The following TOGARAM1 variants were observed in gnomAD, a reference collection of about 807,000 sequenced individuals.
TOGARAM1 encodes the protein TOG array regulator of axonemal microtubules protein 1.
TOGARAM1 carries 100 observed loss-of-function variants against 166.6 expected under a neutral mutation model. The observed-to-expected ratio is 0.60, with a 90% confidence interval of 0.51 to 0.71. TOGARAM1 has a LOEUF of 0.71. Among genes scored for constraint, TOGARAM1 ranks in the 30% least tolerant of loss-of-function variants. The pLI is 0.00. For missense variants in TOGARAM1, 2,029 were observed against 2,102.7 expected (o/e 0.96, Z 0.69); for synonymous variants, 758 against 763.8 (o/e 0.99, Z 0.13).
intron 17 of TOGARAM1, among the ~76,000 whole-genome samples, chr14:45,068,163 C>A (rs1457934260): frequency 1.3e-5 from 2 of 152,090 alleles, no homozygotes; most frequent in African/African-American, 4.8e-5. Flanking sequence ...GCCTACTGAG[C>A]CACATTTTTC....
chr14:45,061,789 T>C (rs1358278928), intron 16 of TOGARAM1, among the ~76,000 whole-genome samples: 1 of 151,604 alleles, frequency 6.6e-6, no homozygotes, highest in Non-Finnish European at 1.5e-5. Context: ...AGTATTTTTG[T>C]ATCTATAATC....
intron 11 of TOGARAM1, among the ~76,000 whole-genome samples, chr14:45,043,275 T>G (rs1881819610): frequency 6.6e-6 from 1 of 152,088 alleles, no homozygotes; most frequent in African/African-American, 2.4e-5. Context: ...CCTCCCAGGT[T>G]TAAGTGATTC....
At chr14:44,993,756 AT>A (rs1887265023) in intron 1 of TOGARAM1, among the ~76,000 whole-genome samples, 1 of 152,166 alleles carries the variant, frequency 6.6e-6, no homozygotes, top group African/African-American at 2.4e-5. Flanking sequence ...ACTGCTGAAG[AT>A]TTCTGAAAAT....
At chr14:44,981,408 T>C (rs190483460) in intron 1 of TOGARAM1, among the ~76,000 whole-genome samples, 331 of 152,026 alleles carry the variant, frequency 2.2e-3, no homozygotes, top group Non-Finnish European at 4.2e-3. Context: ...TGCCCACGAG[T>C]TGGAAGAGAG....
At chr14:45,006,725 TATATTA>T (rs1243128071) in intron 5 of TOGARAM1, 1 of 152,424 alleles carries the variant, frequency 6.6e-6, no homozygotes, top group East Asian at 1.9e-4. Flanking sequence ...TTGTACTTTT[TATATTA>T]ATATTATTTT....
intron 2 of TOGARAM1, chr14:44,996,116 G>A: frequency 3.1e-6 from 1 of 323,452 alleles, no homozygotes; most frequent in Non-Finnish European, 5.6e-6. Flanking sequence ...TTAATATAGG[G>A]CAATATTTGC....
At chr14:44,964,814 G>C (rs372985268) in intron 1 of TOGARAM1, among the ~76,000 whole-genome samples, 2 of 152,008 alleles carry the variant, frequency 1.3e-5, no homozygotes, top group South Asian at 2.1e-4. Context: ...GAATGAAGAT[G>C]AGGCCAGTTT....
chr14:45,004,495 G>T, intron 4 of TOGARAM1, 129 bp downstream of exon 4: 1 of 681,638 alleles, frequency 1.5e-6, no homozygotes, highest in South Asian at 2.4e-5. Flanking sequence ...TAAATATTTA[G>T]GAAAATATTT....
At chr14:44,981,268 G>T (rs997186506) in intron 1 of TOGARAM1, among the ~76,000 whole-genome samples, 1 of 152,174 alleles carries the variant, frequency 6.6e-6, no homozygotes, top group East Asian at 1.9e-4. Flanking sequence ...TGCTAAAACT[G>T]TGAGAATGGA....
chr14:44,966,919 C>A (rs1885580853), intron 1 of TOGARAM1, among the ~76,000 whole-genome samples: 1 of 151,098 alleles, frequency 6.6e-6, no homozygotes, highest in Non-Finnish European at 1.5e-5. Flanking sequence ...GATTGTGCCA[C>A]TGCACTCCAG....
chr14:45,006,062 C>G lies in TOGARAM1; in HGVS notation c.2699C>G (p.Ser900Trp). 2 of 1,613,178 alleles carry G rather than the reference C, an allele frequency of 1.2e-6. No homozygotes were observed. The highest frequency in any genetic ancestry group is 1.7e-6 in the Non-Finnish European group (2 of 1,179,418). Residue 900 changes from serine (S) to tryptophan (W), a missense_variant, in exon 5 of 20, where the codon TCG becomes TGG. Around this residue, in one of 2 missense-constraint regions of TOGARAM1, gnomAD observed 1,453 missense variants for 1,432.2 expected, o/e 1.01. Coordinates refer to ENST00000361462, the MANE Select transcript of TOGARAM1 (RefSeq NM_001308120.2). ...CAGCTTACACCTGCCTTGGTGAGAT[C>G]GCCATCTTCCCGACGAGGTCTAAAT... ...PVQLTPALVR[S>W]PSSRRGLNGT...
chr14:44,990,953 C>CTGTTTTTTTT (rs1887090933), intron 1 of TOGARAM1, among the ~76,000 whole-genome samples: 1 of 74,200 alleles, frequency 1.3e-5, no homozygotes, highest in African/African-American at 7.2e-5. Context: ...CCAGCTGAGG[C>CTGTTTTTTTT]TTTTTTTTTT....
chr14:45,036,185 GT>G (rs1881429942), intron 11 of TOGARAM1, among the ~76,000 whole-genome samples: 1 of 142,124 alleles, frequency 7.0e-6, no homozygotes, highest in African/African-American at 2.6e-5. Flanking sequence ...ATGTCTGACA[GT>G]TTGATACAAA....
chr14:44,972,232 T>C (rs1392963366), intron 1 of TOGARAM1, among the ~76,000 whole-genome samples: 1 of 152,112 alleles, frequency 6.6e-6, no homozygotes, highest in Non-Finnish European at 1.5e-5. Flanking sequence ...GAGCAAATAT[T>C]GTATGATTTC....
intron 6 of TOGARAM1, among the ~76,000 whole-genome samples, chr14:45,011,628 A>G (rs1372957763): frequency 1.3e-5 from 2 of 151,960 alleles, no homozygotes; most frequent in African/African-American, 4.8e-5. Flanking sequence ...ATTTGGTTTT[A>G]GAATGGATTC....
intron 1 of TOGARAM1, among the ~76,000 whole-genome samples, chr14:44,980,460 C>T (rs1029867218): frequency 1.3e-5 from 2 of 152,144 alleles, no homozygotes; most frequent in African/African-American, 4.8e-5. Context: ...CGGAGCAGAT[C>T]ACTTGAGGTC....
intron 1 of TOGARAM1, among the ~76,000 whole-genome samples, chr14:44,969,158 C>CTTTCTTTT (rs1885741117): frequency 1.6e-5 from 2 of 127,470 alleles, no homozygotes; most frequent in African/African-American, 6.7e-5. Flanking sequence ...TTCTTTCTTT[C>CTTTCTTTT]TTTTCTTTCT....
chr14:44,964,710 A>G (rs1361709478), intron 1 of TOGARAM1, among the ~76,000 whole-genome samples: 8 of 152,116 alleles, frequency 5.3e-5, no homozygotes, highest in African/African-American at 1.9e-4. Context: ...CAATACCAAG[A>G]TTCAGTTTTA....
At position 45,068,603 on chromosome 14, in the gene TOGARAM1, G is replaced by A. The variant is rs768473452; in HGVS notation, c.4929G>A (p.Ala1643=). 4.3e-5 allele frequency: 70 copies of A among 1,611,584 alleles called. No individual in the cohort carries two copies. The Admixed American group carries it at 5.5e-4, about 13-fold the overall frequency. ...ATTCCAAGAATCCAGGCATCTATGC[G>A]GCTGCTACAAATGTTGTTCAGGCAC... ...NLNSKNPGIY[A]AATNVVQALS... The change falls in exon 18 of 20, where the codon GCG becomes GCA. Residue 1643 remains alanine, a synonymous_variant. Transcript: ENST00000361462.
Sources: gnomAD v4.1 joint callset for allele counts (sites outside exome capture counted in the v4.1 genomes callset) on GRCh38, gnomAD v4.1.1 for gene constraint, gnomAD v4.1.1 regional missense constraint, MANE v1.5 for transcripts, NCBI Gene and HGNC (gene_info 2026-07-23, HGNC 2026-07-21) for gene names.